The following FAR1 variants were observed in gnomAD, a reference collection of about 807,000 sequenced individuals.
The protein encoded by FAR1 is fatty acyl-CoA reductase 1.
In FAR1, 22 loss-of-function variants were observed where a neutral mutation model predicts 61.1. The observed-to-expected ratio is 0.36, with a 90% CI of 0.26 to 0.51. The LOEUF is 0.51. Among genes scored for constraint, FAR1 ranks in the 20% least tolerant of loss-of-function variants. The probability of loss-of-function intolerance (pLI) is 0.95; values close to 1 mark genes in which losing one functional copy is unlikely to be tolerated. For missense variants in FAR1, 359 were observed against 626.9 expected (o/e 0.57, Z 4.56); for synonymous variants, 206 against 209.7 (o/e 0.98, Z 0.15).
rs1205831140 is a variant in FAR1 at position 13,717,682 on chromosome 11, A to G, written c.1127+3002A>G. On this transcript the variant is annotated intron_variant, in intron 9 of 11. Coordinates refer to ENST00000354817, the MANE Select transcript of FAR1 (RefSeq NM_032228.6). ...CTTTTCTTGTAAATTAAGGCCATAT[A>G]GTAAATATTTTAGGTTTAGCAGGAC... Among the ~76,000 whole-genome samples, 5 of 152,222 alleles carry G rather than the reference A, an allele frequency of 3.3e-5. No individual in the cohort carries two copies. In the South Asian group the frequency reaches 6.2e-4, roughly 19 times the overall value.
At chr11:13,723,351 T>G (rs760288952) in intron 10 of FAR1, 252 of 352,782 alleles carry the variant, frequency 7.1e-4, no homozygotes, top group South Asian at 2.0e-3. Flanking sequence ...AACAATAGAG[T>G]GAGAGTCTCT....
intron 9 of FAR1, among the ~76,000 whole-genome samples, chr11:13,717,276 GCTC>G (rs1354417496): frequency 6.6e-6 from 1 of 151,984 alleles, no homozygotes; most frequent in Non-Finnish European, 1.5e-5. Context: ...TGTCAGCATA[GCTC>G]CTCAAGTATA....
At chr11:13,672,197 A>T (rs1048906921) in intron 1 of FAR1, among the ~76,000 whole-genome samples, 1 of 152,180 alleles carries the variant, frequency 6.6e-6, no homozygotes, top group Non-Finnish European at 1.5e-5. Context: ...TTTCACAGTT[A>T]TGGTCAGATT....
At chr11:13,680,748 C>A (rs764648052) in intron 1 of FAR1, among the ~76,000 whole-genome samples, 1 of 152,182 alleles carries the variant, frequency 6.6e-6, no homozygotes, top group Non-Finnish European at 1.5e-5. Context: ...AATCTGCCCA[C>A]ATGACCCAAA....
chr11:13,677,375 C>T (rs1565338037), intron 1 of FAR1, among the ~76,000 whole-genome samples: 1 of 152,134 alleles, frequency 6.6e-6, no homozygotes, highest in Non-Finnish European at 1.5e-5. Flanking sequence ...TGATCTTTGC[C>T]TAACAGCATT....
chr11:13,718,421 C>T (rs1259625044), intron 9 of FAR1, among the ~76,000 whole-genome samples: 1 of 152,150 alleles, frequency 6.6e-6, no homozygotes, highest in Non-Finnish European at 1.5e-5. Flanking sequence ...CCAGAGGTGA[C>T]AGTTTGTTGT....
At chr11:13,717,249 C>T (rs1848567086) in intron 9 of FAR1, among the ~76,000 whole-genome samples, 1 of 152,014 alleles carries the variant, frequency 6.6e-6, no homozygotes, top group Non-Finnish European at 1.5e-5. Context: ...GCGGATGACG[C>T]TCTTTAGGAG....
Position 13,721,912 on chromosome 11 carries a change from A to G in FAR1, c.1257+53A>G. Reference sequence around the variant, plus strand: ...AGAAAATAAGTAGCATACTAATTACAGAACTATTAGCAACCTGAGAAATAT... The same window carrying G: ...AGAAAATAAGTAGCATACTAATTACGGAACTATTAGCAACCTGAGAAATAT... On this transcript the variant is annotated intron_variant, in intron 10 of 11. Coordinates refer to ENST00000354817, the MANE Select transcript of FAR1 (RefSeq NM_032228.6). The surrounding 1 kb of genome is among the most constrained non-coding windows in gnomAD (Gnocchi z 4.2). 7.0e-7 allele frequency: 1 copy of G among 1,424,074 alleles called. No individual in the cohort carries two copies. Among genetic ancestry groups the G allele is most frequent in the Non-Finnish European group, 9.6e-7 (1 of 1,043,960 alleles). 88.2% of individuals were successfully genotyped at this position (1,424,074 alleles called of 1,614,324 possible). A position where few individuals can be genotyped will look rare whatever the true frequency, so the allele number is the denominator to read the frequency against.
intron 9 of FAR1, chr11:13,720,959 A>G (rs774981476): frequency 9.9e-5 from 15 of 152,174 alleles, no homozygotes; most frequent in Non-Finnish European, 1.9e-4. Context: ...GCCATGATAT[A>G]TAAAATGACA....
chr11:13,671,909 A>AATT (rs1038728733), intron 1 of FAR1, among the ~76,000 whole-genome samples: 1 of 152,208 alleles, frequency 6.6e-6, no homozygotes, highest in African/African-American at 2.4e-5. Context: ...TTTATGTAAG[A>AATT]AGAGCCAGTG....
At chr11:13,691,806 C>T (rs1417548304) in intron 1 of FAR1, among the ~76,000 whole-genome samples, 3 of 152,070 alleles carry the variant, frequency 2.0e-5, no homozygotes, top group African/African-American at 4.8e-5. Flanking sequence ...ACTTGGCTAT[C>T]GTGAGCAGTG....
At chr11:13,694,447 G>A (rs1013207917) in intron 1 of FAR1, among the ~76,000 whole-genome samples, 1 of 152,162 alleles carries the variant, frequency 6.6e-6, no homozygotes, top group Non-Finnish European at 1.5e-5. Context: ...GAAGATTTGA[G>A]TTCTTATTGC....
intron 2 of FAR1, among the ~76,000 whole-genome samples, chr11:13,695,300 C>G (rs2134180403): frequency 6.6e-6 from 1 of 152,160 alleles, no homozygotes; most frequent in South Asian, 2.1e-4. Context: ...AGTGAGACTA[C>G]CTACTATTCT....
intron 1 of FAR1, among the ~76,000 whole-genome samples, chr11:13,677,310 A>G (rs1848078009): frequency 6.6e-6 from 1 of 152,246 alleles, no homozygotes; most frequent in African/African-American, 2.4e-5. Context: ...AACAGATATT[A>G]AGAATCCACA....
rs117395380 is a variant in FAR1 at position 13,694,777 on chromosome 11, C to T, written c.12C>T (p.Ile4=). The T allele has an allele frequency of 0.018, 28,333 of 1,611,654 alleles. 320 individuals are homozygous for T. The highest frequency in any genetic ancestry group is 0.029 in the Middle Eastern group (176 of 6,054). ...TTCTTAGGATCAAAATGGTTTCAAT[C>T]CCAGAATACTATGAAGGCAAGAACG... MVS[I]PEYYEGKNVL... The change falls in exon 2 of 12, where the codon ATC becomes ATT. Residue 4 remains isoleucine, a synonymous_variant. Coordinates refer to ENST00000354817, the MANE Select transcript of FAR1 (RefSeq NM_032228.6).
In FAR1 at chr11:13,721,661, C is replaced by G. The variant is rs1165185330; in HGVS notation, c.1128-69C>G. 1 of 1,370,896 alleles carries G rather than the reference C, an allele frequency of 7.3e-7. No homozygotes were observed. The highest frequency in any genetic ancestry group is 1.0e-6 in the Non-Finnish European group (1 of 990,928). The allele number at this position is 1,370,896 out of a possible 1,614,324, so 84.9% of individuals were successfully genotyped here. A position where few individuals can be genotyped will look rare whatever the true frequency, so the allele number is the denominator to read the frequency against. ...CTATATTATAGGGGGAAACTTGCAC[C>G]CTGGGTGGTGATAGGATTTTTCCTA... is the stretch of plus-strand genomic sequence containing the variant. On this transcript the variant is annotated intron_variant, in intron 9 of 11. Transcript: ENST00000354817. The surrounding 1 kb of genome is among the most constrained non-coding windows in gnomAD (Gnocchi z 4.2).
At chr11:13,673,806 A>G (rs1398672916) in intron 1 of FAR1, among the ~76,000 whole-genome samples, 3 of 152,252 alleles carry the variant, frequency 2.0e-5, no homozygotes, top group Admixed American at 6.5e-5. Flanking sequence ...ATGTATCTCA[A>G]AATTGATGAA....
At chr11:13,716,288 T>C (rs551446828) in intron 9 of FAR1, among the ~76,000 whole-genome samples, 1 of 152,060 alleles carries the variant, frequency 6.6e-6, no homozygotes, top group Non-Finnish European at 1.5e-5. Context: ...AATAAGTGAA[T>C]AGCTGGTTTA....
rs551698942 is a variant in FAR1 at position 13,708,446 on chromosome 11, C to T, written c.545+367C>T. 1.3e-3 allele frequency among the ~76,000 whole-genome samples: 132 copies of T among 101,134 alleles called. 1 individual carries two copies. Among genetic ancestry groups the T allele is most frequent in the Admixed American group, 3.6e-3 (31 of 8,528 alleles). 66.3% of individuals were successfully genotyped at this position (101,134 alleles called of 152,430 possible). ...CCCCATATACATGTGCGCGCGCGCG[C>T]GCACACACACACACACACACACACA... On this transcript the variant is annotated intron_variant, in intron 4 of 11. Transcript: ENST00000354817.
Sources: allele counts gnomAD v4.1 joint callset (sites outside exome capture counted in the v4.1 genomes callset), GRCh38; gene constraint gnomAD v4.1.1; non-coding constraint Gnocchi (gnomAD v3.1); transcripts MANE v1.5; gene names NCBI Gene and HGNC (gene_info 2026-07-23, HGNC 2026-07-21).